UBE3D: variants seen among roughly 807,000 people sequenced by gnomAD.
UBE3D encodes E3 ubiquitin-protein ligase E3D.
A neutral mutation model predicts 49.6 loss-of-function variants in UBE3D; 48 were observed. The observed-to-expected ratio is 0.97, with a 90% confidence interval of 0.77 to 1.23. The LOEUF is 1.23. UBE3D is among the 50% of genes most tolerant of loss of function. The pLI is 0.00. For synonymous variants in UBE3D, 189 were observed against 174.2 expected, an observed-to-expected ratio of 1.08 and a Z score of -0.67; for missense variants, 452 against 468.4, an observed-to-expected ratio of 0.96 and a Z score of 0.32.
At chr6:82,881,179 G>A in the UBE3D span, among the ~76,000 whole-genome samples, 1 of 152,192 alleles carries the variant, frequency 6.6e-6, no homozygotes, top group Non-Finnish European at 1.5e-5. Flanking sequence ...AATCCTGCAT[G>A]TATGAGGGAG....
intron 8 of UBE3D, among the ~76,000 whole-genome samples, chr6:82,996,160 G>A (rs1582586134): frequency 6.6e-6 from 1 of 152,078 alleles, no homozygotes; most frequent in East Asian, 1.9e-4. Flanking sequence ...GCTGGGGCTG[G>A]GAAAATGGGA....
chr6:83,016,602 T>C (rs182480609), intron 8 of UBE3D, among the ~76,000 whole-genome samples: 23 of 151,800 alleles, frequency 1.5e-4, no homozygotes, highest in Admixed American at 1.4e-3. Context: ...ATAGGATATA[T>C]AGACATATAT....
chr6:83,061,023 A>G (rs1175492362), intron 1 of UBE3D, among the ~76,000 whole-genome samples: 1 of 152,188 alleles, frequency 6.6e-6, no homozygotes, highest in Non-Finnish European at 1.5e-5. Flanking sequence ...AGCATGGCAG[A>G]CACTATCTTA....
chr6:83,027,979 T>C (rs1016040965), intron 5 of UBE3D, among the ~76,000 whole-genome samples: 1 of 152,162 alleles, frequency 6.6e-6, no homozygotes, highest in African/African-American at 2.4e-5. Flanking sequence ...ACACAGCAGG[T>C]TTTTCTTGTC....
chr6:82,956,773 T>C (rs1776183687), intron 9 of UBE3D, among the ~76,000 whole-genome samples: 1 of 152,184 alleles, frequency 6.6e-6, no homozygotes, highest in African/African-American at 2.4e-5. Flanking sequence ...CTGTGAGTTC[T>C]GCCACAACTA....
chr6:83,008,211 T>C (rs1291108548), intron 8 of UBE3D, among the ~76,000 whole-genome samples: 2 of 152,134 alleles, frequency 1.3e-5, no homozygotes, highest in African/African-American at 4.8e-5. Context: ...GTTCCCCAAG[T>C]TGTGACAACT....
intron 9 of UBE3D, among the ~76,000 whole-genome samples, chr6:82,908,486 C>T (rs549676276): frequency 4.6e-4 from 70 of 152,216 alleles, no homozygotes; most frequent in Non-Finnish European, 7.6e-4. Context: ...CACCACTATA[C>T]AATTCATCCT....
In UBE3D at chr6:83,047,999, C is replaced by G. The variant is rs540944403; in HGVS notation, c.366-3340G>C. 2.3e-3 allele frequency among the ~76,000 whole-genome samples: 320 copies of G among 139,434 alleles called. 1 individual carries two copies. The highest frequency in any genetic ancestry group is 8.2e-3 in the African/African-American group (309 of 37,544). The allele number at this position is 139,434 out of a possible 152,430, so 91.5% of individuals were successfully genotyped here. A position where few individuals can be genotyped will look rare whatever the true frequency, so the allele number is the denominator to read the frequency against. On this transcript the variant is annotated intron_variant, in intron 3 of 9. Transcript: ENST00000369747. The stretch of plus-strand genomic sequence containing the variant: ...CCGGAGGCTGAGGCAGGAGAATGGC[C>G]TGAACCCGGGAGGCGGAGCTTGCAG...
intron 8 of UBE3D, among the ~76,000 whole-genome samples, chr6:82,967,492 C>T (rs910755244): frequency 2.6e-5 from 4 of 152,116 alleles, no homozygotes; most frequent in African/African-American, 9.7e-5. Flanking sequence ...CTCCCTACCC[C>T]CTGGCAACCA....
intron 8 of UBE3D, among the ~76,000 whole-genome samples, chr6:83,000,561 C>T (rs531653967): frequency 1.3e-5 from 2 of 152,348 alleles, no homozygotes; most frequent in Non-Finnish European, 2.9e-5. Context: ...GTTGCCAGAA[C>T]AATCTTCCTG....
At chr6:82,925,146 A>G (rs995771631) in intron 9 of UBE3D, 1 of 152,298 alleles carries the variant, frequency 6.6e-6, no homozygotes, top group African/African-American at 2.4e-5. Flanking sequence ...AGGTACAAAA[A>G]AGTGAATGAT....
chr6:82,885,416 G>C, the UBE3D span, among the ~76,000 whole-genome samples: 3 of 152,120 alleles, frequency 2.0e-5, no homozygotes, highest in Non-Finnish European at 4.4e-5. Flanking sequence ...AATAATCACT[G>C]TATCTAAAAT....
chr6:82,887,389 G>GTTTTTGTTTTGTTTTTTTTTTTTT, the UBE3D span, among the ~76,000 whole-genome samples: 2 of 98,368 alleles, frequency 2.0e-5, no homozygotes, highest in African/African-American at 1.0e-4. Context: ...GACAGTAACA[G>GTTTTTGTTTTGTTTTTTTTTTTTT]TTTTTTTTTT....
intron 9 of UBE3D, among the ~76,000 whole-genome samples, chr6:82,954,202 AATG>A (rs150161170): frequency 1.3e-5 from 2 of 152,310 alleles, no homozygotes; most frequent in East Asian, 3.9e-4. Flanking sequence ...CATGATAAGG[AATG>A]ATAAGTCCAT....
chr6:82,913,427 G>T (rs1772674316), intron 9 of UBE3D, among the ~76,000 whole-genome samples: 1 of 152,182 alleles, frequency 6.6e-6, no homozygotes, highest in African/African-American at 2.4e-5. Context: ...GGTTGTAAAA[G>T]AAGTGTAGCA....
intron 8 of UBE3D, among the ~76,000 whole-genome samples, chr6:82,996,683 TG>T (rs1779263444): frequency 6.6e-6 from 1 of 152,148 alleles, no homozygotes; most frequent in African/African-American, 2.4e-5. Flanking sequence ...CCTAATATGA[TG>T]TGATGCTATT....
intron 9 of UBE3D, among the ~76,000 whole-genome samples, chr6:82,903,609 C>G (rs1771892109): frequency 6.6e-6 from 1 of 152,078 alleles, no homozygotes; most frequent in Non-Finnish European, 1.5e-5. Context: ...TAACCAGGTG[C>G]TCATTTTCTT....
At chr6:82,922,107 G>T (rs1773388983) in intron 9 of UBE3D, among the ~76,000 whole-genome samples, 1 of 143,846 alleles carries the variant, frequency 7.0e-6, no homozygotes, top group Non-Finnish European at 1.5e-5. Context: ...AGTTGTAGCA[G>T]ACATAAAAGG....
intron 3 of UBE3D, among the ~76,000 whole-genome samples, chr6:83,050,127 A>G (rs918488962): frequency 1.3e-5 from 2 of 152,144 alleles, no homozygotes. Flanking sequence ...AAACATTGCT[A>G]TAATTAGCAG....
Sources: gnomAD v4.1 joint callset for allele counts (sites outside exome capture counted in the v4.1 genomes callset) on GRCh38, gnomAD v4.1.1 for gene constraint, MANE v1.5 for transcripts, NCBI Gene and HGNC (gene_info 2026-07-23, HGNC 2026-07-21) for gene names.